The following DLC1 variants were observed in gnomAD, a reference collection of about 807,000 sequenced individuals.
DLC1 encodes DLC1 Rho GTPase activating protein.
Under a neutral mutation model 140.3 loss-of-function variants are expected in DLC1, and 54 were observed. The ratio of observed to expected loss-of-function variants is 0.38; its 90% CI spans 0.31 to 0.48. The LOEUF (loss-of-function observed/expected upper bound fraction) is 0.48, where lower values mean the gene tolerates loss of function less well. DLC1 is among the 20% of genes least tolerant of loss of function. The pLI is 0.96. For missense variants in DLC1, 2,536 were observed against 1,907.0 expected (o/e 1.33, Z -6.14); for synonymous variants, 986 against 728.1 (o/e 1.35, Z -5.70).
chr8:13,423,628 C>T lies in DLC1; in HGVS notation c.1024-22009G>A, dbSNP rs574719365. Among the ~76,000 whole-genome samples the T allele has an allele frequency of 1.3e-5, 2 of 152,166 alleles. 1 individual carries two copies. The highest frequency in any genetic ancestry group is 4.8e-5 in the African/African-American group (2 of 41,516). On this transcript the variant is annotated intron_variant, in intron 2 of 17. Transcript: ENST00000276297. ...AGGCATTTCCTAAACATTCTGTGAC[C>T]ATTTAAACAGAAATCGGATTTCTGC...
At chr8:13,589,170 A>C (rs1417951414) in intron 1 of DLC1, among the ~76,000 whole-genome samples, 1 of 152,128 alleles carries the variant, frequency 6.6e-6, no homozygotes, top group Non-Finnish European at 1.5e-5. Context: ...TGTCCAAACA[A>C]CAGGCTGTCG....
rs573206085 is a variant in DLC1 at position 13,241,504 on chromosome 8, C to T, written c.1348+63765G>A. Among the ~76,000 whole-genome samples, 297 of 152,214 alleles carry T rather than the reference C, an allele frequency of 2.0e-3. 2 individuals carry two copies. The highest frequency in any genetic ancestry group is 5.2e-3 in the South Asian group (25 of 4,820). On this transcript the variant is annotated intron_variant, in intron 5 of 17. Coordinates refer to ENST00000276297, the MANE Select transcript of DLC1 (RefSeq NM_182643.3). Reference sequence around the variant, plus strand: ...TGTGTTTGGTATTCTAGGTCAGGTTCAAAGGTAGACTATAAAAGGAAGATC... The same window carrying T: ...TGTGTTTGGTATTCTAGGTCAGGTTTAAAGGTAGACTATAAAAGGAAGATC...
chr8:13,288,615 CT>C (rs1831628945), intron 5 of DLC1, among the ~76,000 whole-genome samples: 1 of 152,244 alleles, frequency 6.6e-6, no homozygotes, highest in Admixed American at 6.5e-5. Context: ...TTAGCTGTTA[CT>C]GCTTATCTTG....
chr8:13,344,686 T>G (rs1007970360), intron 4 of DLC1, among the ~76,000 whole-genome samples: 2 of 152,176 alleles, frequency 1.3e-5, no homozygotes, highest in Non-Finnish European at 2.9e-5. Context: ...ACGAGGTCTC[T>G]ATCACTATTA....
chr8:13,345,756 A>AG (rs1025610378), intron 4 of DLC1, among the ~76,000 whole-genome samples: 37 of 151,706 alleles, frequency 2.4e-4, no homozygotes, highest in South Asian at 1.7e-3. Flanking sequence ...ATGGGGTTTC[A>AG]CCATGTTGGC....
Position 13,100,292 on chromosome 8 carries a change from C to T in DLC1, c.2045G>A (p.Ser682Asn). The stretch of plus-strand genomic sequence containing the variant: ...CAGCTTTGAGGGCGCTTTGTGCTTG[C>T]TGTGATGGGAGCTCTTGAGCTTCAG... Reference protein sequence around the residue: ...ESLKLKSSHHSKHKAPSKLGL... With the variant: ...ESLKLKSSHHNKHKAPSKLGL... The change falls in exon 9 of 18, where the codon AGC becomes AAC. Residue 682 changes from serine to asparagine, a missense_variant. Coordinates refer to ENST00000276297, the MANE Select transcript of DLC1 (RefSeq NM_182643.3). The T allele has an allele frequency of 6.2e-7, 1 of 1,614,160 alleles. No individual in the cohort carries two copies. Among genetic ancestry groups the T allele is most frequent in the South Asian group, 1.1e-5 (1 of 91,088 alleles).
intron 7 of DLC1, among the ~76,000 whole-genome samples, chr8:13,108,768 G>A (rs1305652567): frequency 6.6e-6 from 1 of 152,160 alleles, no homozygotes; most frequent in Non-Finnish European, 1.5e-5. Context: ...TGCATGATCA[G>A]CAGTGATGGA....
intron 5 of DLC1, among the ~76,000 whole-genome samples, chr8:13,283,635 C>T (rs543804054): frequency 1.3e-5 from 2 of 152,306 alleles, no homozygotes; most frequent in African/African-American, 4.8e-5. Context: ...TCACTGCAGC[C>T]TCCTGAGTAG....
intron 4 of DLC1, among the ~76,000 whole-genome samples, chr8:13,317,361 A>T (rs1004386697): frequency 7.9e-5 from 12 of 152,230 alleles, no homozygotes; most frequent in African/African-American, 2.7e-4. Flanking sequence ...AACATTCAAC[A>T]TAAAAGCATA....
At chr8:13,318,159 C>T (rs528916149) in intron 4 of DLC1, among the ~76,000 whole-genome samples, 25 of 151,806 alleles carry the variant, frequency 1.6e-4, no homozygotes, top group African/African-American at 5.8e-4. Context: ...TCCTGAGTAG[C>T]TAGGACTAGC....
intron 2 of DLC1, among the ~76,000 whole-genome samples, chr8:13,469,140 G>A (rs1291623666): frequency 2.6e-5 from 4 of 152,008 alleles, no homozygotes; most frequent in African/African-American, 9.7e-5. Flanking sequence ...TTTATTCCCA[G>A]ATTTTTGCTT....
chr8:13,467,075 C>T (rs1469558883), intron 2 of DLC1, among the ~76,000 whole-genome samples: 2 of 152,138 alleles, frequency 1.3e-5, no homozygotes, highest in African/African-American at 2.4e-5. Flanking sequence ...GAATAACATG[C>T]AAATGTACAA....
intron 13 of DLC1, 24 bp from the exon 14 acceptor site, chr8:13,091,456 G>A: frequency 6.3e-7 from 1 of 1,587,166 alleles, no homozygotes; most frequent in Non-Finnish European, 8.6e-7. Context: ...ATACAGGAGG[G>A]GAACAGTTCA....
rs115658197 is a variant in DLC1 at position 13,444,486 on chromosome 8, T to C, written c.1024-42867A>G. Among the ~76,000 whole-genome samples, 1,138 of 152,276 alleles carry C rather than the reference T, an allele frequency of 7.5e-3. 17 individuals carry two copies. Among genetic ancestry groups the C allele is most frequent in the African/African-American group, 0.025 (1,043 of 41,560 alleles). On this transcript the variant is annotated intron_variant, in intron 2 of 17. Coordinates refer to ENST00000276297, the MANE Select transcript of DLC1 (RefSeq NM_182643.3). ...AATTCCTGGTTTTAAGAAGGTCACA[T>C]TAAATGAGTGACAAAGAGAAGTTTT...
At chr8:13,374,580 T>G (rs922592121) in intron 4 of DLC1, among the ~76,000 whole-genome samples, 2 of 152,148 alleles carry the variant, frequency 1.3e-5, no homozygotes, top group Non-Finnish European at 2.9e-5. Context: ...GTCAGGAGTT[T>G]GAGACCCGCG....
intron 5 of DLC1, among the ~76,000 whole-genome samples, chr8:13,211,348 C>T (rs1368594498): frequency 6.6e-6 from 1 of 151,986 alleles, no homozygotes; most frequent in Admixed American, 6.6e-5. Flanking sequence ...CACCGTTTTG[C>T]TGTACTCTGT....
At chr8:13,602,224 A>G (rs1009215723) in intron 1 of DLC1, among the ~76,000 whole-genome samples, 2 of 151,872 alleles carry the variant, frequency 1.3e-5, no homozygotes, top group African/African-American at 4.8e-5. Context: ...GGCTATTTTC[A>G]ATGATGTGTG....
At chr8:13,148,178 A>G (rs1353992673) in intron 5 of DLC1, among the ~76,000 whole-genome samples, 1 of 151,886 alleles carries the variant, frequency 6.6e-6, no homozygotes, top group Non-Finnish European at 1.5e-5. Context: ...TAAACTTGTT[A>G]CATAGGTAAA....
chr8:13,414,400 A>G (rs1837951194), intron 2 of DLC1, among the ~76,000 whole-genome samples: 1 of 152,126 alleles, frequency 6.6e-6, no homozygotes, highest in East Asian at 1.9e-4. Flanking sequence ...CTTGGTGATG[A>G]TCTCCTTTTG....
Sources: gnomAD v4.1 joint callset for allele counts (sites outside exome capture counted in the v4.1 genomes callset) on GRCh38, gnomAD v4.1.1 for gene constraint, MANE v1.5 for transcripts, NCBI Gene and HGNC (gene_info 2026-07-23, HGNC 2026-07-21) for gene names.